FAM81B: variants seen among roughly 807,000 people sequenced by gnomAD.
FAM81B encodes family with sequence similarity 81 member B.
FAM81B carries 60 observed loss-of-function variants against 58.7 expected under a neutral mutation model. That is an observed-to-expected ratio of 1.02 (90% CI 0.83 to 1.27). The LOEUF (loss-of-function observed/expected upper bound fraction) is 1.27. Among genes scored for constraint, FAM81B ranks in the 50% most tolerant of loss-of-function variants. The pLI is 0.00. For synonymous variants in FAM81B, 189 were observed against 179.6 expected (o/e 1.05, Z -0.42); for missense variants, 491 against 522.0 (o/e 0.94, Z 0.58).
At chr5:95,439,044 G>GT (rs1745210049) in intron 7 of FAM81B, among the ~76,000 whole-genome samples, 1 of 150,666 alleles carries the variant, frequency 6.6e-6, no homozygotes, top group African/African-American at 2.4e-5. Context: ...AATGTTCTAA[G>GT]TTTTTTATAG....
At chr5:95,396,805 T>C (rs756670346) in intron 3 of FAM81B, 2 of 152,288 alleles carry the variant, frequency 1.3e-5, no homozygotes, top group African/African-American at 2.4e-5. Flanking sequence ...TTTGGTCTAA[T>C]GCTGTCATTC....
chr5:95,434,531 C>T (rs1262277809), intron 6 of FAM81B, among the ~76,000 whole-genome samples: 2 of 152,136 alleles, frequency 1.3e-5, no homozygotes, highest in Non-Finnish European at 2.9e-5. Flanking sequence ...GAATAATCTC[C>T]CCCTTTTACT....
rs541337134 is a variant in FAM81B, at chr5:95,417,189, G to A, written c.537+2999G>A. ...GATACATGTTGCCAAATTGTTTTCC[G>A]GAAAGTTTATACTAATTTACACTTC... is the stretch of plus-strand genomic sequence containing the variant. On this transcript the variant is annotated intron_variant, in intron 4 of 9. Coordinates refer to ENST00000283357, the MANE Select transcript of FAM81B (RefSeq NM_152548.3). Among the ~76,000 whole-genome samples, 16 of 152,182 alleles carry A rather than the reference G, an allele frequency of 1.1e-4. No individual in the cohort carries two copies. The East Asian group carries it at 1.3e-3, about 13-fold the overall frequency.
intron 4 of FAM81B, among the ~76,000 whole-genome samples, chr5:95,418,781 A>G (rs1168822968): frequency 6.6e-6 from 1 of 152,136 alleles, no homozygotes; most frequent in Non-Finnish European, 1.5e-5. Flanking sequence ...CTCCTCAATT[A>G]TCTGTGACTT....
chr5:95,440,744 A>G, intron 7 of FAM81B: 1 of 375,728 alleles, frequency 2.7e-6, no homozygotes, highest in South Asian at 5.4e-5. Context: ...AACCATGTCC[A>G]CTTCTGGCAT....
intron 7 of FAM81B, among the ~76,000 whole-genome samples, chr5:95,439,352 C>T (rs1423210405): frequency 6.7e-6 from 1 of 149,102 alleles, no homozygotes; most frequent in African/African-American, 2.5e-5. Context: ...CCTTTCTCTA[C>T]ATTTTAACCA....
intron 5 of FAM81B, 144 bp downstream of exon 5, chr5:95,420,546 C>A: frequency 8.2e-7 from 1 of 1,215,320 alleles, no homozygotes; most frequent in Non-Finnish European, 1.1e-6. Context: ...GAAAGTGTAC[C>A]ATAGAACTTT....
chr5:95,404,674 A>G (rs1222719873), intron 3 of FAM81B, among the ~76,000 whole-genome samples: 1 of 152,190 alleles, frequency 6.6e-6, no homozygotes, highest in African/African-American at 2.4e-5. Context: ...TAGAGAAATC[A>G]GTCTGTCAAT....
intron 3 of FAM81B, among the ~76,000 whole-genome samples, chr5:95,404,729 T>G (rs1762201366): frequency 2.0e-5 from 3 of 152,178 alleles, no homozygotes; most frequent in Admixed American, 6.5e-5. Flanking sequence ...CACATTCTTC[T>G]CAATGTTGGG....
chr5:95,436,167 T>C (rs1319755633), intron 6 of FAM81B, among the ~76,000 whole-genome samples: 1 of 152,238 alleles, frequency 6.6e-6, no homozygotes, highest in Non-Finnish European at 1.5e-5. Context: ...ACTTTCTCAA[T>C]GTTTCTGGCA....
At chr5:95,423,569 G>C (rs1018699696) in intron 5 of FAM81B, among the ~76,000 whole-genome samples, 1 of 124,288 alleles carries the variant, frequency 8.0e-6, no homozygotes, top group Non-Finnish European at 1.7e-5. Context: ...AAAAAAAAAA[G>C]ATAAATTTTG....
Position 95,407,422 on chromosome 5 carries a change from G to GCA in FAM81B, c.294-6524_294-6523insAC, listed in dbSNP as rs1385602609. Among the ~76,000 whole-genome samples, 592 of 142,726 alleles carry GCA rather than the reference G, an allele frequency of 4.1e-3. 5 individuals are homozygous for GCA. The highest frequency in any genetic ancestry group is 5.4e-3 in the Non-Finnish European group (349 of 64,656). The allele number at this position is 142,726 out of a possible 152,430, so 93.6% of individuals were successfully genotyped here. On this transcript the variant is annotated intron_variant, in intron 3 of 9. Coordinates refer to ENST00000283357, the MANE Select transcript of FAM81B (RefSeq NM_152548.3). ...CACACACACACACGCACACACACACGCGTGCGCGCACACAAACACACACGC... is the reference window on the plus strand; with the variant it reads ...CACACACACACACGCACACACACACGCACGTGCGCGCACACAAACACACACGC...
intron 7 of FAM81B, among the ~76,000 whole-genome samples, chr5:95,445,969 T>C (rs1353410037): frequency 1.3e-5 from 2 of 152,204 alleles, no homozygotes; most frequent in Non-Finnish European, 2.9e-5. Flanking sequence ...GAATGGCTTC[T>C]ATGCATTCTA....
intron 6 of FAM81B, among the ~76,000 whole-genome samples, chr5:95,431,289 G>T (rs1744878198): frequency 6.6e-6 from 1 of 151,986 alleles, no homozygotes; most frequent in Non-Finnish European, 1.5e-5. Flanking sequence ...CACTTTCATG[G>T]CTTTGTTGTT....
In FAM81B at chr5:95,400,447, C is replaced by CACACACACACAT. The variant is rs1554042707; in HGVS notation, c.293+4275_293+4276insCACACACATACA. On this transcript the variant is annotated intron_variant, in intron 3 of 9. Transcript: ENST00000283357. Reference sequence around the variant, plus strand: ...ACATACATACATACACACACACACACACATACATACATACAGGCATCTTCA... The same window carrying CACACACACACAT: ...ACATACATACATACACACACACACACACACACACACATACATACATACATACAGGCATCTTCA... Among the ~76,000 whole-genome samples the CACACACACACAT allele has an allele frequency of 8.6e-3, 1,294 of 151,290 alleles. 18 individuals are homozygous for CACACACACACAT. The highest frequency in any genetic ancestry group is 0.029 in the African/African-American group (1,198 of 40,700).
At chr5:95,427,188 A>G (rs1309943355) in intron 5 of FAM81B, among the ~76,000 whole-genome samples, 2 of 152,200 alleles carry the variant, frequency 1.3e-5, no homozygotes. Flanking sequence ...GGGAAACAAA[A>G]GAAGGATAGA....
At chr5:95,419,582 G>T (rs1032638380) in intron 4 of FAM81B, among the ~76,000 whole-genome samples, 2 of 152,006 alleles carry the variant, frequency 1.3e-5, no homozygotes, top group East Asian at 3.9e-4. Flanking sequence ...CATGGTTCTT[G>T]GGACCACTAG....
At chr5:95,434,310 G>A (rs1745015869) in intron 6 of FAM81B, among the ~76,000 whole-genome samples, 1 of 152,188 alleles carries the variant, frequency 6.6e-6, no homozygotes, top group Non-Finnish European at 1.5e-5. Flanking sequence ...CTTGCAGGCT[G>A]TTAGCTGGGG....
In FAM81B at chr5:95,434,676, T is replaced by C. The variant is rs116746193; in HGVS notation, c.787-2124T>C. Among the ~76,000 whole-genome samples the C allele has an allele frequency of 4.3e-3, 659 of 152,354 alleles. 6 individuals are homozygous for C. Among genetic ancestry groups the C allele is most frequent in the African/African-American group, 0.015 (643 of 41,588 alleles). On this transcript the variant is annotated intron_variant, in intron 6 of 9. Coordinates refer to ENST00000283357, the MANE Select transcript of FAM81B (RefSeq NM_152548.3). ...ATTTCTTCATCCTGCTTTCCTTTGA[T>C]TAGGAATTTTTTATTCCTTTTAAAC... is the stretch of plus-strand genomic sequence containing the variant.
Sources: allele counts gnomAD v4.1 joint callset (sites outside exome capture counted in the v4.1 genomes callset), GRCh38; gene constraint gnomAD v4.1.1; transcripts MANE v1.5; gene names NCBI Gene and HGNC (gene_info 2026-07-23, HGNC 2026-07-21).